ZBTB10: variants seen among roughly 807,000 people sequenced by gnomAD.
The protein encoded by ZBTB10 is zinc finger and BTB domain-containing protein 10.
A neutral mutation model predicts 76.4 loss-of-function variants in ZBTB10; 32 were observed. That is an observed-to-expected ratio of 0.42 (90% CI 0.32 to 0.56). The LOEUF is 0.56. Ranked by LOEUF, ZBTB10 falls within the 20% of genes least tolerant of loss-of-function variation. The probability of loss-of-function intolerance (pLI) is 0.14; values close to 1 mark genes in which losing one functional copy is unlikely to be tolerated. For synonymous variants in ZBTB10, 523 were observed against 432.9 expected (o/e 1.21, Z -2.58); for missense variants, 1,057 against 1,098.5 (o/e 0.96, Z 0.53).
At position 80,486,667 on chromosome 8, in the gene ZBTB10, G is replaced by A. The variant is rs1385937791; in HGVS notation, c.-144G>A. The A allele has an allele frequency of 1.0e-6, 1 of 989,906 alleles. No individual in the cohort carries two copies. Among genetic ancestry groups the A allele is most frequent in the South Asian group, 4.5e-5 (1 of 21,994 alleles). The allele number at this position is 989,906 out of a possible 1,614,324, so 61.3% of individuals were successfully genotyped here. On this transcript the variant is annotated 5_prime_UTR_variant, in exon 1 of 6. Transcript: ENST00000455036. Reference sequence around the variant, plus strand: ...GAGCGAGCGCGAGCCGGGCTGCCGGGCGAGAGGGCGAGGCCGAGCCCCGCG... The same window carrying A: ...GAGCGAGCGCGAGCCGGGCTGCCGGACGAGAGGGCGAGGCCGAGCCCCGCG...
chr8:80,509,693 G>A (rs1164944591), intron 2 of ZBTB10, among the ~76,000 whole-genome samples: 1 of 152,098 alleles, frequency 6.6e-6, no homozygotes, highest in African/African-American at 2.4e-5. Context: ...GCACATTTTT[G>A]GGAGGTAGAG....
At chr8:80,506,257 A>T (rs937222555) in intron 2 of ZBTB10, among the ~76,000 whole-genome samples, 2 of 152,116 alleles carry the variant, frequency 1.3e-5, no homozygotes, top group African/African-American at 4.8e-5. Context: ...GCAACAAATC[A>T]GCTATTTATA....
At chr8:80,514,032 A>T in intron 3 of ZBTB10, 24 bp downstream of exon 3, 1 of 1,595,914 alleles carries the variant, frequency 6.3e-7, no homozygotes, top group Non-Finnish European at 8.5e-7. Context: ...GATTTTAGCA[A>T]CAGTACATTT....
At chr8:80,494,315 G>C (rs1041054362) in intron 1 of ZBTB10, among the ~76,000 whole-genome samples, 5 of 152,164 alleles carry the variant, frequency 3.3e-5, no homozygotes. Flanking sequence ...ATTGTTAACG[G>C]ATTGACTACA....
intron 2 of ZBTB10, among the ~76,000 whole-genome samples, chr8:80,509,885 C>T (rs145533173): frequency 3.3e-5 from 5 of 152,092 alleles, no homozygotes; most frequent in South Asian, 2.1e-4. Context: ...TGGGCTCAAG[C>T]GATCCTCCTA....
rs1816459682 is a variant in ZBTB10 at position 80,522,066 on chromosome 8, T to A, written c.*2538T>A. On this transcript the variant is annotated 3_prime_UTR_variant, in exon 6 of 6. Transcript: ENST00000455036. ...AGAATTGACAGATTTTTCTACTTGC[T>A]GACTGCCTAACTTATTTTGTTTCAT... The A allele has an allele frequency of 6.6e-6, 1 of 151,974 alleles. No homozygotes were observed. Among genetic ancestry groups the A allele is most frequent in the Non-Finnish European group, 1.5e-5 (1 of 67,848 alleles). 9.4% of individuals were successfully genotyped at this position (151,974 alleles called of 1,614,324 possible).
intron 1 of ZBTB10, among the ~76,000 whole-genome samples, chr8:80,496,983 T>G (rs1479291086): frequency 6.6e-6 from 1 of 152,194 alleles, no homozygotes; most frequent in Non-Finnish European, 1.5e-5. Context: ...TGGGCCTGTA[T>G]CAAAGCAAGA....
intron 2 of ZBTB10, among the ~76,000 whole-genome samples, chr8:80,507,975 T>C (rs1198644913): frequency 6.6e-6 from 1 of 152,232 alleles, no homozygotes; most frequent in African/African-American, 2.4e-5. Flanking sequence ...CTTCAGTATT[T>C]AATTTTAAAA....
intron 2 of ZBTB10, among the ~76,000 whole-genome samples, chr8:80,506,336 A>G (rs1816052207): frequency 6.6e-6 from 1 of 150,784 alleles, no homozygotes; most frequent in Non-Finnish European, 1.5e-5. Flanking sequence ...TTTTTTTGAG[A>G]TAGAGTTTCA....
At chr8:80,498,799 T>G (rs1356113692) in intron 1 of ZBTB10, among the ~76,000 whole-genome samples, 1 of 152,248 alleles carries the variant, frequency 6.6e-6, no homozygotes, top group Non-Finnish European at 1.5e-5. Flanking sequence ...GAAGCAAAAT[T>G]TATAAACATT....
At chr8:80,500,883 TTTTG>T (rs1272771513) in intron 2 of ZBTB10, among the ~76,000 whole-genome samples, 2 of 152,218 alleles carry the variant, frequency 1.3e-5, no homozygotes, top group African/African-American at 2.4e-5. Context: ...TTCTGTTATT[TTTTG>T]TTTATTTATT....
chr8:80,488,870 G>A (rs767060764), intron 1 of ZBTB10, among the ~76,000 whole-genome samples: 10 of 152,270 alleles, frequency 6.6e-5, no homozygotes, highest in South Asian at 4.2e-4. Flanking sequence ...CTGCCGTTCA[G>A]CACACTTACC....
chr8:80,519,616 A>G lies in ZBTB10; in HGVS notation c.*88A>G. 3.7e-6 allele frequency: 5 copies of G among 1,360,996 alleles called. No homozygotes were observed. Among genetic ancestry groups the G allele is most frequent in the Non-Finnish European group, 5.0e-6 (5 of 1,004,266 alleles). 84.3% of individuals were successfully genotyped at this position (1,360,996 alleles called of 1,614,324 possible). A position where few individuals can be genotyped will look rare whatever the true frequency, so the allele number is the denominator to read the frequency against. ...TGTTGAACTTGAAGGCTTGCAAAAT[A>G]TGGTACATGCTGGATAGTAGTTATG... On this transcript the variant is annotated 3_prime_UTR_variant, in exon 6 of 6. Transcript: ENST00000455036.
rs1440903261 is a variant in ZBTB10 at position 80,523,029 on chromosome 8, T to C, written c.*3501T>C. On this transcript the variant is annotated 3_prime_UTR_variant, in exon 6 of 6. Transcript: ENST00000455036. Reference sequence around the variant, plus strand: ...TTTTCTGAAAAACGATTAAAAAAACTACCAATTTTTTTTTTGAGTGCCCAC... The same window carrying C: ...TTTTCTGAAAAACGATTAAAAAAACCACCAATTTTTTTTTTGAGTGCCCAC... 1 of 151,894 alleles carries C rather than the reference T, an allele frequency of 6.6e-6. No individual in the cohort carries two copies. Among genetic ancestry groups the C allele is most frequent in the Non-Finnish European group, 1.5e-5 (1 of 67,852 alleles). The allele number at this position is 151,894 out of a possible 1,614,324, so 9.4% of individuals were successfully genotyped here.
In ZBTB10 at chr8:80,524,808, T is replaced by G. The variant is rs1816518741; in HGVS notation, c.*5280T>G. 1 of 152,058 alleles carries G rather than the reference T, an allele frequency of 6.6e-6. No individual in the cohort carries two copies. The highest frequency in any genetic ancestry group is 1.5e-5 in the Non-Finnish European group (1 of 67,970). 9.4% of individuals were successfully genotyped at this position (152,058 alleles called of 1,614,324 possible). A position where few individuals can be genotyped will look rare whatever the true frequency, so the allele number is the denominator to read the frequency against. On this transcript the variant is annotated 3_prime_UTR_variant, in exon 6 of 6. Coordinates refer to ENST00000455036, the MANE Select transcript of ZBTB10 (RefSeq NM_001105539.3). ...AAATCGGTTTTTAATTATCCAAAGA[T>G]GAAATGGGGCTGCTTCAGAAAAAGG...
rs73691909 is a variant in ZBTB10, at chr8:80,510,647, T to G, written c.1862-3263T>G. On this transcript the variant is annotated intron_variant, in intron 2 of 5. Transcript: ENST00000455036. ...CGTCATTTTGTGAAACCAGTGTGTG[T>G]GTGTGTGTGTGTGTGTGTGTGTGTG... 2.5e-3 allele frequency among the ~76,000 whole-genome samples: 228 copies of G among 90,462 alleles called. 2 individuals are homozygous for G. The highest frequency in any genetic ancestry group is 0.01 in the African/African-American group (163 of 15,536). 59.3% of individuals were successfully genotyped at this position (90,462 alleles called of 152,430 possible).
intron 4 of ZBTB10, 80 bp from the exon 5 acceptor site, chr8:80,518,702 G>A (rs1816389529): frequency 6.7e-7 from 1 of 1,492,730 alleles, no homozygotes; most frequent in Non-Finnish European, 8.9e-7. Flanking sequence ...GCTGTTCTCA[G>A]AGATAGAGAT....
chr8:80,517,871 C>CTTTTTTTTTTTTTTT lies in ZBTB10; in HGVS notation c.1961-521_1961-507dup, dbSNP rs773074047. The stretch of plus-strand genomic sequence containing the variant: ...CATGTTTTTTTCTCCCGCCCGCCAC[C>CTTTTTTTTTTTTTTT]TTTTTTTTTTTTTTTTTTTTTTTTT... On this transcript the variant is annotated intron_variant, in intron 3 of 5. Coordinates refer to ENST00000455036, the MANE Select transcript of ZBTB10 (RefSeq NM_001105539.3). Among the ~76,000 whole-genome samples the CTTTTTTTTTTTTTTT allele has an allele frequency of 5.1e-4, 39 of 76,842 alleles. 2 individuals are homozygous for CTTTTTTTTTTTTTTT. Among genetic ancestry groups the CTTTTTTTTTTTTTTT allele is most frequent in the Non-Finnish European group, 7.2e-4 (31 of 43,094 alleles). 50.4% of individuals were successfully genotyped at this position (76,842 alleles called of 152,430 possible).
chr8:80,493,667 C>CA (rs113190537), intron 1 of ZBTB10, among the ~76,000 whole-genome samples: 10,210 of 130,250 alleles, frequency 0.078, 404 homozygotes, highest in African/African-American at 0.12. Context: ...AAAAACAAAA[C>CA]AAAAAAAAAA....
Sources: gnomAD v4.1 joint callset for allele counts (sites outside exome capture counted in the v4.1 genomes callset) on GRCh38, gnomAD v4.1.1 for gene constraint, MANE v1.5 for transcripts, NCBI Gene and HGNC (gene_info 2026-07-23, HGNC 2026-07-21) for gene names.